Variants in PHYKPL observed in about 807,000 individuals in gnomAD.
The protein encoded by PHYKPL is 5-phosphonooxy-L-lysine phospho-lyase.
In PHYKPL, 42 loss-of-function variants were observed where a neutral mutation model predicts 51.3. That is an observed-to-expected ratio of 0.82 (90% CI 0.64 to 1.06). The LOEUF (loss-of-function observed/expected upper bound fraction) is 1.06. Ranked by LOEUF, PHYKPL falls within the 50% of genes least tolerant of loss-of-function variation. PHYKPL has a pLI of 0.00. For missense variants in PHYKPL, 655 were observed against 586.6 expected, an observed-to-expected ratio of 1.12 and a Z score of -1.20; for synonymous variants, 264 against 236.0, an observed-to-expected ratio of 1.12 and a Z score of -1.09.
chr5:178,221,401 C>G (rs1761148236), intron 8 of PHYKPL, among the ~76,000 whole-genome samples: 1 of 152,102 alleles, frequency 6.6e-6, no homozygotes, highest in South Asian at 2.1e-4. Context: ...TGTGCTCTCA[C>G]AGCACCGTGA....
intron 1 of PHYKPL, chr5:178,232,096 G>A (rs1221399337): frequency 1.7e-6 from 2 of 1,193,316 alleles, no homozygotes; most frequent in African/African-American, 1.6e-5. Flanking sequence ...CCCCTCCCAG[G>A]TCACTCTCGA....
chr5:178,215,372 T>C lies in PHYKPL; in HGVS notation c.986A>G (p.Lys329Arg). The C allele has an allele frequency of 1.2e-6, 2 of 1,614,000 alleles. No homozygotes were observed. Among genetic ancestry groups the C allele is most frequent in the Non-Finnish European group, 1.7e-6 (2 of 1,179,952 alleles). Residue 329 changes from lysine to arginine, a missense_variant, in exon 9 of 13, where the codon AAG (lysine) becomes AGG (arginine). Physicochemically the swap from Lys to Arg is conservative, Grantham distance 26. Coordinates refer to ENST00000308158, the MANE Select transcript of PHYKPL (RefSeq NM_153373.4). The stretch of plus-strand genomic sequence containing the variant: ...GGTGGCATGATCCTGGAGCTGCTCC[T>C]TCTCCAAGACATTCAGGACGGCCAG... ...VGLAVLNVLE[K>R]EQLQDHATSV...
At chr5:178,207,504 T>TA (rs1237957845), downstream of PHYKPL, among the ~76,000 whole-genome samples, 3 of 152,132 alleles carry the variant, frequency 2.0e-5, no homozygotes, top group Admixed American at 6.5e-5. Context: ...GCTCCTCACT[T>TA]AAAGCTAGAG....
intron 8 of PHYKPL, among the ~76,000 whole-genome samples, chr5:178,218,082 T>A (rs1760261075): frequency 9.1e-6 from 1 of 110,134 alleles, no homozygotes; most frequent in Non-Finnish European, 1.8e-5. Context: ...CCGGGCGTGG[T>A]AGCGGGCGCC....
intron 12 of PHYKPL, 122 bp from the exon 13 acceptor site, chr5:178,209,037 C>T (rs1757340761): frequency 5.4e-6 from 2 of 369,810 alleles, no homozygotes; most frequent in South Asian, 5.7e-5. Flanking sequence ...GTCCTCTGCT[C>T]CCCTGGGCTG....
intron 10 of PHYKPL, 104 bp from the exon 11 acceptor site, chr5:178,213,207 T>C: frequency 4.1e-6 from 6 of 1,474,244 alleles, no homozygotes; most frequent in East Asian, 2.3e-5. Flanking sequence ...GAGCCTTCCA[T>C]GGGCCAGTTC....
At chr5:178,207,291 T>A (rs1757110026), downstream of PHYKPL, 1 of 1,588,462 alleles carries the variant, frequency 6.3e-7, no homozygotes, top group South Asian at 1.1e-5. Flanking sequence ...GAGGGATGGG[T>A]TAGGGGTTGG....
At chr5:178,213,547 C>T (rs115406088) in intron 10 of PHYKPL, among the ~76,000 whole-genome samples, 16 of 152,310 alleles carry the variant, frequency 1.1e-4, no homozygotes, top group South Asian at 2.1e-4. Flanking sequence ...CCCTGTCTTC[C>T]GGGTTATCTT....
At chr5:178,226,918 T>C (rs1282439438) in intron 3 of PHYKPL, among the ~76,000 whole-genome samples, 1 of 152,048 alleles carries the variant, frequency 6.6e-6, no homozygotes, top group African/African-American at 2.4e-5. Flanking sequence ...TGTCTGTGTA[T>C]TTATATATAT....
In PHYKPL at chr5:178,215,550, C is replaced by CT. The variant is rs1305324009; in HGVS notation, c.928-121_928-120insA. 10 of 1,250,798 alleles carry CT rather than the reference C, an allele frequency of 8.0e-6. No homozygotes were observed. The East Asian group carries it at 2.5e-4, about 32-fold the overall frequency. The allele number at this position is 1,250,798 out of a possible 1,614,324, so 77.5% of individuals were successfully genotyped here. A position where few individuals can be genotyped will look rare whatever the true frequency, so the allele number is the denominator to read the frequency against. On this transcript the variant is annotated intron_variant, in intron 8 of 12. Transcript: ENST00000308158. ...AGGCCAGTGGCAAGAGCAGAGGCCC[C>CT]AAACCCCTTAGGGCGCACAGTCCTC...
intron 4 of PHYKPL, 46 bp from the exon 5 acceptor site, chr5:178,224,775 C>A (rs1407617584): frequency 6.8e-7 from 1 of 1,481,230 alleles, no homozygotes; most frequent in Non-Finnish European, 9.3e-7. Context: ...GCAGCACCTA[C>A]TCCCTGGCCC....
intron 3 of PHYKPL, 169 bp downstream of exon 3, chr5:178,229,771 C>A: frequency 1.4e-6 from 1 of 723,784 alleles, no homozygotes; most frequent in South Asian, 2.2e-5. Context: ...AAACTGGATC[C>A]AACAGAGAAA....
At chr5:178,212,520 G>C (rs977305627) in intron 11 of PHYKPL, among the ~76,000 whole-genome samples, 4 of 152,240 alleles carry the variant, frequency 2.6e-5, no homozygotes, top group African/African-American at 9.6e-5. Context: ...ATGTGGGGTA[G>C]AGTTTTCATT....
chr5:178,209,189 G>A (rs1757383321), intron 12 of PHYKPL: 1 of 720,652 alleles, frequency 1.4e-6, no homozygotes, highest in Admixed American at 2.1e-5. Flanking sequence ...TAGCCCAAAG[G>A]TGGCCTCCCA....
intron 2 of PHYKPL, chr5:178,230,359 CTTTTT>C (rs34227825): frequency 6.3e-6 from 2 of 319,290 alleles, no homozygotes; most frequent in South Asian, 3.4e-5. Context: ...TTAAGGAGGA[CTTTTT>C]TTTTTTTTTT....
intron 12 of PHYKPL, chr5:178,210,161 G>A (rs780241934): frequency 8.1e-6 from 13 of 1,613,906 alleles, no homozygotes; most frequent in South Asian, 7.7e-5. Flanking sequence ...TCAGGGCTAC[G>A]GCAACTACTG....
downstream of PHYKPL, chr5:178,207,206 A>G (rs1184098408): frequency 1.2e-6 from 2 of 1,614,200 alleles, no homozygotes; most frequent in Admixed American, 3.3e-5. Context: ...AAAAAGTTCC[A>G]TACTGTCAGT....
chr5:178,228,341 C>G, intron 3 of PHYKPL: 1 of 571,882 alleles, frequency 1.7e-6, no homozygotes, highest in South Asian at 2.3e-5. Flanking sequence ...GATGACAGAC[C>G]ACTTCCGGAG....
chr5:178,225,017 A>C, intron 4 of PHYKPL: 1 of 563,006 alleles, frequency 1.8e-6, no homozygotes, highest in Non-Finnish European at 3.2e-6. Context: ...ATGAATCTTA[A>C]ATGTGTTGAT....
Sources: allele counts gnomAD v4.1 joint callset (sites outside exome capture counted in the v4.1 genomes callset), GRCh38; gene constraint gnomAD v4.1.1; transcripts MANE v1.5; gene names NCBI Gene and HGNC (gene_info 2026-07-23, HGNC 2026-07-21).